AGBL4: variants seen among roughly 807,000 people sequenced by gnomAD.
AGBL4 encodes AGBL carboxypeptidase 4, also known as cytosolic carboxypeptidase 6.
In AGBL4, 58 loss-of-function variants were observed where a neutral mutation model predicts 66.4. That is an observed-to-expected ratio of 0.87 (90% confidence interval 0.71 to 1.09). The LOEUF (loss-of-function observed/expected upper bound fraction) is 1.09. Among genes scored for constraint, AGBL4 ranks in the 50% least tolerant of loss-of-function variants. The pLI is 0.00. For synonymous variants in AGBL4, 234 were observed against 222.9 expected (o/e 1.05, Z -0.44); for missense variants, 579 against 631.0 (o/e 0.92, Z 0.88).
chr1:49,057,487 C>G (rs1644328456), intron 4 of AGBL4, among the ~76,000 whole-genome samples: 1 of 152,128 alleles, frequency 6.6e-6, no homozygotes, highest in Non-Finnish European at 1.5e-5. Context: ...TCACAATTTC[C>G]AGTTATGCTG....
chr1:49,680,326 GGT>G (rs1459780389), intron 3 of AGBL4, among the ~76,000 whole-genome samples: 1 of 145,846 alleles, frequency 6.9e-6, no homozygotes, highest in Non-Finnish European at 1.5e-5. Flanking sequence ...TGGGATTACA[GGT>G]GTGAGCCATC....
chr1:48,735,480 A>AGGAG (rs1451258384), intron 6 of AGBL4, among the ~76,000 whole-genome samples: 1 of 151,702 alleles, frequency 6.6e-6, no homozygotes, highest in African/African-American at 2.4e-5. Flanking sequence ...AAAGGAAGGA[A>AGGAG]GGAAAAAGGA....
Position 48,670,671 on chromosome 1 carries a change from C to G in AGBL4, c.635-7430G>C, listed in dbSNP as rs557435004. On this transcript the variant is annotated intron_variant, in intron 6 of 13. Coordinates refer to ENST00000371839, the MANE Select transcript of AGBL4 (RefSeq NM_032785.4). ...CTAGGCCTGGGAGCAGGTAGGCAGC[C>G]TTCCAGGGCAGGCTAATGGCAGGAT... is the stretch of plus-strand genomic sequence containing the variant. Among the ~76,000 whole-genome samples the G allele has an allele frequency of 2.6e-5, 4 of 152,208 alleles. No homozygotes were observed. The South Asian group carries it at 6.2e-4, about 24-fold the overall frequency.
At chr1:49,478,964 C>G (rs1237132913) in intron 3 of AGBL4, among the ~76,000 whole-genome samples, 1 of 151,604 alleles carries the variant, frequency 6.6e-6, no homozygotes, top group Non-Finnish European at 1.5e-5. Context: ...CTTATGTTAA[C>G]CTTAAATCAA....
chr1:49,798,672 T>C (rs931984034), intron 2 of AGBL4, among the ~76,000 whole-genome samples: 1 of 152,200 alleles, frequency 6.6e-6, no homozygotes, highest in African/African-American at 2.4e-5. Context: ...GCTTTCTTTA[T>C]GTGGTTTGGA....
At chr1:49,439,788 A>G (rs1038708869) in intron 3 of AGBL4, among the ~76,000 whole-genome samples, 1 of 152,176 alleles carries the variant, frequency 6.6e-6, no homozygotes, top group Non-Finnish European at 1.5e-5. Context: ...TCAGATGCCA[A>G]GTTCTTCAGT....
chr1:50,003,674 C>T (rs1198293294), intron 1 of AGBL4, among the ~76,000 whole-genome samples: 1 of 151,830 alleles, frequency 6.6e-6, no homozygotes, highest in Admixed American at 6.6e-5. Context: ...AAAGAGAGAA[C>T]AATAAAGGTC....
At chr1:49,740,059 T>C (rs1233646118) in intron 2 of AGBL4, among the ~76,000 whole-genome samples, 10 of 152,098 alleles carry the variant, frequency 6.6e-5, no homozygotes, top group Non-Finnish European at 1.3e-4. Context: ...ATATTAACCT[T>C]AAATATAAAT....
At chr1:49,253,944 G>C (rs899436007) in intron 3 of AGBL4, among the ~76,000 whole-genome samples, 1 of 152,082 alleles carries the variant, frequency 6.6e-6, no homozygotes, top group African/African-American at 2.4e-5. Context: ...ATGCAGAAAA[G>C]GCTTTTGATA....
intron 3 of AGBL4, among the ~76,000 whole-genome samples, chr1:49,624,570 C>T (rs367996076): frequency 6.6e-6 from 1 of 152,128 alleles, no homozygotes; most frequent in Non-Finnish European, 1.5e-5. Context: ...TATCTTTAAA[C>T]GCAGCTGACT....
At chr1:48,572,171 G>A (rs1644575740) in intron 11 of AGBL4, among the ~76,000 whole-genome samples, 1 of 152,082 alleles carries the variant, frequency 6.6e-6, no homozygotes, top group African/African-American at 2.4e-5. Flanking sequence ...AGGGACTACC[G>A]AGCCCCTGCC....
At position 49,460,880 on chromosome 1, in the gene AGBL4, T is replaced by A. The variant is rs534735216; in HGVS notation, c.283-215016A>T. Among the ~76,000 whole-genome samples the A allele has an allele frequency of 2.0e-4, 31 of 151,870 alleles. 1 individual carries two copies. The South Asian group carries it at 6.4e-3, about 32-fold the overall frequency. The stretch of plus-strand genomic sequence containing the variant: ...AAGCTTAGTTTCACTGCATACAAAA[T>A]TCTTGGCTAATAATTGTTTTGTTTT... On this transcript the variant is annotated intron_variant, in intron 3 of 13. Transcript: ENST00000371839.
At chr1:49,032,094 A>G (rs910893663) in intron 5 of AGBL4, among the ~76,000 whole-genome samples, 1 of 152,176 alleles carries the variant, frequency 6.6e-6, no homozygotes, top group African/African-American at 2.4e-5. Flanking sequence ...AGTTAGGGAG[A>G]AAATCCATGG....
intron 6 of AGBL4, among the ~76,000 whole-genome samples, chr1:48,732,122 TG>T (rs757733029): frequency 1.6e-4 from 24 of 151,566 alleles, no homozygotes; most frequent in Admixed American, 2.6e-4. Flanking sequence ...AGATGGGTAG[TG>T]AGGGATGTGG....
At chr1:49,236,341 T>C (rs1163175090) in intron 4 of AGBL4, among the ~76,000 whole-genome samples, 1 of 152,122 alleles carries the variant, frequency 6.6e-6, no homozygotes, top group Non-Finnish European at 1.5e-5. Context: ...TCTTAAGGAT[T>C]TCTAGAGTTC....
At chr1:49,411,126 G>A (rs1235007811) in intron 3 of AGBL4, among the ~76,000 whole-genome samples, 7 of 152,180 alleles carry the variant, frequency 4.6e-5, no homozygotes, top group Non-Finnish European at 1.0e-4. Flanking sequence ...CAGAAGTAGG[G>A]AAGTCAACAG....
intron 7 of AGBL4, 45 bp from the exon 8 acceptor site, chr1:48,653,496 A>T: frequency 1.4e-6 from 2 of 1,397,930 alleles, no homozygotes; most frequent in Non-Finnish European, 2.0e-6. Context: ...GCATTTCAAG[A>T]AGAAGGAAAC....
At chr1:48,952,108 T>G (rs960491381) in intron 5 of AGBL4, among the ~76,000 whole-genome samples, 2 of 152,260 alleles carry the variant, frequency 1.3e-5, no homozygotes, top group Non-Finnish European at 2.9e-5. Flanking sequence ...ATGTGTTTAA[T>G]GAAAGTTAAT....
chr1:49,190,400 G>GA (rs1570000336), intron 4 of AGBL4, among the ~76,000 whole-genome samples: 1 of 152,180 alleles, frequency 6.6e-6, no homozygotes, highest in East Asian at 1.9e-4. Context: ...TCCCTGAAGG[G>GA]AAAAGGCTTG....
Sources: gnomAD v4.1 joint callset for allele counts (sites outside exome capture counted in the v4.1 genomes callset) on GRCh38, gnomAD v4.1.1 for gene constraint, MANE v1.5 for transcripts, NCBI Gene and HGNC (gene_info 2026-07-23, HGNC 2026-07-21) for gene names.